The following GPD1L variants were observed in gnomAD, a reference collection of about 807,000 sequenced individuals.
GPD1L encodes glycerol-3-phosphate dehydrogenase 1-like protein.
Under a neutral mutation model 32.9 loss-of-function variants are expected in GPD1L, and 17 were observed. The observed-to-expected ratio is 0.52, with a 90% CI of 0.35 to 0.78. The LOEUF is 0.78. Ranked by LOEUF, GPD1L falls within the 30% of genes least tolerant of loss-of-function variation. The pLI, the probability that GPD1L is intolerant of heterozygous loss-of-function variation, is 0.01. For synonymous variants in GPD1L, 187 were observed against 165.9 expected (o/e 1.13, Z -0.98); for missense variants, 361 against 447.8 (o/e 0.81, Z 1.75).
intron 1 of GPD1L, among the ~76,000 whole-genome samples, chr3:32,109,095 T>C (rs1038979602): frequency 4.6e-5 from 7 of 152,158 alleles, no homozygotes; most frequent in Non-Finnish European, 7.3e-5. Flanking sequence ...ATGATCCGCC[T>C]GCCTCTTCCT....
chr3:32,146,644 C>A lies in GPD1L; in HGVS notation c.528C>A (p.Gly176=), dbSNP rs763662993. 23 of 1,611,200 alleles carry A rather than the reference C, an allele frequency of 1.4e-5. No homozygotes were observed. In the South Asian group the frequency reaches 2.5e-4, roughly 18 times the overall value. The change falls in exon 5 of 8, where the codon GGC becomes GGA. Residue 176 remains glycine (G), a synonymous_variant. Transcript: ENST00000282541. ...CAGGCAGCAAAGTAATGGAGAACGG[C>A]CTTCTCTTCAAAGAACTTCTGCAGA... ...TTIGSKVMEN[G]LLFKELLQTP... is the part of the protein sequence containing the mutation.
At chr3:32,137,043 A>G (rs1369411776) in intron 2 of GPD1L, among the ~76,000 whole-genome samples, 1 of 152,174 alleles carries the variant, frequency 6.6e-6, no homozygotes, top group Non-Finnish European at 1.5e-5. Flanking sequence ...GTGATTATAG[A>G]GAAAGGGGAG....
intron 2 of GPD1L, among the ~76,000 whole-genome samples, chr3:32,128,822 A>G (rs1473876339): frequency 1.3e-5 from 2 of 152,200 alleles, no homozygotes; most frequent in Non-Finnish European, 2.9e-5. Flanking sequence ...CTGCTCCCCA[A>G]GTAGCTCCTG....
chr3:32,116,273 A>G (rs1285714030), intron 1 of GPD1L, among the ~76,000 whole-genome samples: 1 of 152,246 alleles, frequency 6.6e-6, no homozygotes, highest in Non-Finnish European at 1.5e-5. Flanking sequence ...AATTTGCATT[A>G]TCACATATAA....
intron 5 of GPD1L, 75 bp downstream of exon 5, chr3:32,146,809 G>A (rs890657054): frequency 1.2e-5 from 10 of 857,826 alleles, no homozygotes; most frequent in African/African-American, 1.2e-4. Context: ...CCTCAAGAAT[G>A]GGCTCTGTGT....
At chr3:32,126,220 C>A (rs541017327) in intron 1 of GPD1L, among the ~76,000 whole-genome samples, 2 of 152,104 alleles carry the variant, frequency 1.3e-5, no homozygotes, top group Admixed American at 6.6e-5. Context: ...TAAATAAATA[C>A]ATAAATAAAT....
intron 7 of GPD1L, among the ~76,000 whole-genome samples, chr3:32,162,307 A>T (rs1174123414): frequency 6.6e-6 from 1 of 152,036 alleles, no homozygotes; most frequent in Non-Finnish European, 1.5e-5. Flanking sequence ...CCTGCAGTAC[A>T]TCCTCTTACT....
rs79137581 is a variant in GPD1L at position 32,152,971 on chromosome 3, G to A, written c.619-5905G>A. The stretch of plus-strand genomic sequence containing the variant: ...TAGGTGTGACCATAACTAGCTACAA[G>A]GCAGGCTGGAAAATCATTTTGGGGA... On this transcript the variant is annotated intron_variant, in intron 5 of 7. Transcript: ENST00000282541. Among the ~76,000 whole-genome samples the A allele has an allele frequency of 3.1e-3, 477 of 152,216 alleles. 1 individual carries two copies. Among genetic ancestry groups the A allele is most frequent in the African/African-American group, 0.011 (450 of 41,522 alleles).
At chr3:32,135,771 T>C (rs901403069) in intron 2 of GPD1L, among the ~76,000 whole-genome samples, 1 of 152,272 alleles carries the variant, frequency 6.6e-6, no homozygotes, top group African/African-American at 2.4e-5. Context: ...GGGAGATTAA[T>C]GCAATAGAAT....
chr3:32,150,724 C>T (rs1700907423), intron 5 of GPD1L, among the ~76,000 whole-genome samples: 1 of 151,974 alleles, frequency 6.6e-6, no homozygotes, highest in African/African-American at 2.4e-5. Flanking sequence ...AGATGTATTA[C>T]ATCTGTAATG....
At chr3:32,159,782 A>C in intron 7 of GPD1L, 108 bp downstream of exon 7, 2 of 748,732 alleles carry the variant, frequency 2.7e-6, no homozygotes, top group Admixed American at 4.0e-5. Context: ...TGCCCTTAGA[A>C]CTTATCTGGA....
chr3:32,144,608 G>A (rs1470677530), intron 4 of GPD1L, among the ~76,000 whole-genome samples: 1 of 152,128 alleles, frequency 6.6e-6, no homozygotes, highest in Non-Finnish European at 1.5e-5. Flanking sequence ...CCACATGGCT[G>A]TCCGGCATTA....
intron 5 of GPD1L, among the ~76,000 whole-genome samples, chr3:32,158,113 A>C (rs914220963): frequency 6.6e-6 from 1 of 152,342 alleles, no homozygotes; most frequent in East Asian, 1.9e-4. Context: ...CATGGCCCCA[A>C]ACTGGAATCT....
chr3:32,113,729 T>C (rs1700286114), intron 1 of GPD1L, among the ~76,000 whole-genome samples: 1 of 152,226 alleles, frequency 6.6e-6, no homozygotes, highest in Non-Finnish European at 1.5e-5. Context: ...CAATCATTTA[T>C]TAGCTCATGA....
At chr3:32,135,085 A>G (rs888359998) in intron 2 of GPD1L, among the ~76,000 whole-genome samples, 1 of 152,092 alleles carries the variant, frequency 6.6e-6, no homozygotes, top group African/African-American at 2.4e-5. Context: ...CTTCAAACCT[A>G]TATTTTTTCT....
At chr3:32,124,556 T>G (rs1295409753) in intron 1 of GPD1L, among the ~76,000 whole-genome samples, 4 of 152,232 alleles carry the variant, frequency 2.6e-5, no homozygotes, top group Non-Finnish European at 4.4e-5. Context: ...AAAGGAATTT[T>G]GGGTGCGGGT....
chr3:32,123,851 T>G (rs111877551), intron 1 of GPD1L, among the ~76,000 whole-genome samples: 2 of 122,856 alleles, frequency 1.6e-5, no homozygotes. Flanking sequence ...GACAGACAGA[T>G]AAGACCCATG....
intron 2 of GPD1L, among the ~76,000 whole-genome samples, chr3:32,132,120 A>G (rs907982043): frequency 6.6e-6 from 1 of 152,206 alleles, no homozygotes; most frequent in Non-Finnish European, 1.5e-5. Context: ...CCCTTTCTCC[A>G]CAAGTATTTT....
intron 4 of GPD1L, among the ~76,000 whole-genome samples, chr3:32,145,234 G>A (rs180807449): frequency 7.2e-5 from 11 of 152,006 alleles, no homozygotes; most frequent in South Asian, 6.2e-4. Flanking sequence ...CGGGAGAATC[G>A]CTTGAGCTTG....
Sources: allele counts gnomAD v4.1 joint callset (sites outside exome capture counted in the v4.1 genomes callset), GRCh38; gene constraint gnomAD v4.1.1; transcripts MANE v1.5; gene names NCBI Gene and HGNC (gene_info 2026-07-23, HGNC 2026-07-21).